Variants in ZMAT4 observed in about 807,000 individuals in gnomAD.
ZMAT4 encodes zinc finger matrin-type protein 4.
In ZMAT4, 17 loss-of-function variants were observed where a neutral mutation model predicts 28.7. The observed-to-expected ratio is 0.59, with a 90% confidence interval of 0.41 to 0.89. The LOEUF is 0.89. ZMAT4 is among the 40% of genes least tolerant of loss of function. ZMAT4 has a pLI of 0.00. For missense variants in ZMAT4, 240 were observed against 283.8 expected (o/e 0.85, Z 1.11); for synonymous variants, 117 against 109.2 (o/e 1.07, Z -0.44).
intron 2 of ZMAT4, among the ~76,000 whole-genome samples, chr8:40,777,829 C>T (rs908706892): frequency 6.6e-6 from 1 of 152,220 alleles, no homozygotes; most frequent in African/African-American, 2.4e-5. Context: ...GGAGCTCCCC[C>T]AACATACTCT....
At chr8:40,803,722 C>G (rs1022895780) in intron 2 of ZMAT4, among the ~76,000 whole-genome samples, 2 of 152,122 alleles carry the variant, frequency 1.3e-5, no homozygotes, top group African/African-American at 4.8e-5. Flanking sequence ...AAATCACACT[C>G]GTTGGTATAT....
intron 1 of ZMAT4, among the ~76,000 whole-genome samples, chr8:40,856,094 A>G (rs1817287698): frequency 6.6e-6 from 1 of 152,194 alleles, no homozygotes; most frequent in African/African-American, 2.4e-5. Context: ...CTTGGTTCAC[A>G]CAGGCCCACA....
At chr8:40,606,658 AGT>A (rs1257336381) in intron 5 of ZMAT4, among the ~76,000 whole-genome samples, 1 of 152,152 alleles carries the variant, frequency 6.6e-6, no homozygotes, top group African/African-American at 2.4e-5. Context: ...TATGTGCCTA[AGT>A]GATTATCTTT....
At chr8:40,647,813 C>T (rs1317539955) in intron 5 of ZMAT4, among the ~76,000 whole-genome samples, 1 of 152,184 alleles carries the variant, frequency 6.6e-6, no homozygotes, top group East Asian at 1.9e-4. Context: ...CAAGCAGGGG[C>T]ACACTGACAC....
chr8:40,896,678 C>T lies in ZMAT4; in HGVS notation c.-5+1005G>A, dbSNP rs147964506. Among the ~76,000 whole-genome samples, 796 of 152,264 alleles carry T rather than the reference C, an allele frequency of 5.2e-3. 11 individuals are homozygous for T. The highest frequency in any genetic ancestry group is 0.018 in the African/African-American group (762 of 41,546). On this transcript the variant is annotated intron_variant, in intron 1 of 6. Coordinates refer to ENST00000297737, the MANE Select transcript of ZMAT4 (RefSeq NM_024645.3). ...AGCAAGAGAGGCCCCTGAGGTCTCG[C>T]GATTTAGAATGCTCAAGGGTGCTTC...
rs191264769 is a variant in ZMAT4 at position 40,840,238 on chromosome 8, G to T, written c.-4-14558C>A. Among the ~76,000 whole-genome samples, 39 of 152,206 alleles carry T rather than the reference G, an allele frequency of 2.6e-4. No individual in the cohort carries two copies. In the East Asian group the frequency reaches 5.4e-3, roughly 21 times the overall value. On this transcript the variant is annotated intron_variant, in intron 1 of 6. Transcript: ENST00000297737. ...CATGCCCCCAAAATCACACTCCTCC[G>T]GGGCACCCATGGCTACTAACTGACA...
At chr8:40,865,747 C>A (rs2150649083) in intron 1 of ZMAT4, among the ~76,000 whole-genome samples, 1 of 152,330 alleles carries the variant, frequency 6.6e-6, no homozygotes, top group African/African-American at 2.4e-5. Flanking sequence ...CGAACCCGGA[C>A]TTTTAGACTC....
At chr8:40,604,737 A>G (rs1328638097) in intron 5 of ZMAT4, among the ~76,000 whole-genome samples, 1 of 152,162 alleles carries the variant, frequency 6.6e-6, no homozygotes, top group Non-Finnish European at 1.5e-5. Context: ...CTGGCCTCAT[A>G]GAACGATTTA....
chr8:40,569,682 CTT>C (rs1804030891), intron 6 of ZMAT4, among the ~76,000 whole-genome samples: 1 of 152,188 alleles, frequency 6.6e-6, no homozygotes, highest in South Asian at 2.1e-4. Context: ...GTAAAACCGA[CTT>C]TATCCCTTCT....
In ZMAT4 at chr8:40,842,759, T is replaced by C. The variant is rs561145532; in HGVS notation, c.-4-17079A>G. Among the ~76,000 whole-genome samples, 72 of 152,160 alleles carry C rather than the reference T, an allele frequency of 4.7e-4. 1 individual carries two copies. Among genetic ancestry groups the C allele is most frequent in the Middle Eastern group, 3.4e-3 (1 of 294 alleles). On this transcript the variant is annotated intron_variant, in intron 1 of 6. Transcript: ENST00000297737. ...TTGTCTGGTCTTTAGTCAACCAGAGTCCTACAGGATATTATAAAATACATT... is the reference window on the plus strand; with the variant it reads ...TTGTCTGGTCTTTAGTCAACCAGAGCCCTACAGGATATTATAAAATACATT...
intron 4 of ZMAT4, among the ~76,000 whole-genome samples, chr8:40,682,563 T>A (rs535733495): frequency 6.6e-6 from 1 of 152,326 alleles, no homozygotes; most frequent in Admixed American, 6.5e-5. Context: ...CACATGCTAT[T>A]TATTTTATAC....
chr8:40,601,472 A>AG (rs1563360004), intron 5 of ZMAT4, among the ~76,000 whole-genome samples: 13 of 83,964 alleles, frequency 1.5e-4, no homozygotes, highest in African/African-American at 4.4e-4. Flanking sequence ...AAGAAAGGAA[A>AG]GAAAGAAAGA....
At position 40,677,627 on chromosome 8, in the gene ZMAT4, T is replaced by G. The variant is rs78149607; in HGVS notation, c.350-2696A>C. Reference sequence around the variant, plus strand: ...TTTGATTCAATACCAAATATAGAAATTATGTGGGAGGAGAGCAGTTTCCAG... The same window carrying G: ...TTTGATTCAATACCAAATATAGAAAGTATGTGGGAGGAGAGCAGTTTCCAG... On this transcript the variant is annotated intron_variant, in intron 4 of 6. Transcript: ENST00000297737. Among the ~76,000 whole-genome samples, 1,117 of 152,222 alleles carry G rather than the reference T, an allele frequency of 7.3e-3. 15 individuals carry two copies. The highest frequency in any genetic ancestry group is 0.026 in the African/African-American group (1,067 of 41,548).
At chr8:40,831,256 T>C (rs1280136484) in intron 1 of ZMAT4, among the ~76,000 whole-genome samples, 1 of 152,204 alleles carries the variant, frequency 6.6e-6, no homozygotes, top group Non-Finnish European at 1.5e-5. Flanking sequence ...GACCCCGTAC[T>C]GCATAAACAT....
intron 1 of ZMAT4, among the ~76,000 whole-genome samples, chr8:40,860,659 C>T (rs1817455870): frequency 6.6e-6 from 1 of 152,216 alleles, no homozygotes; most frequent in African/African-American, 2.4e-5. Flanking sequence ...AGAACACAGA[C>T]CACATACTAC....
chr8:40,845,825 AGGGAG>A (rs1816872113), intron 1 of ZMAT4, among the ~76,000 whole-genome samples: 2 of 144,234 alleles, frequency 1.4e-5, no homozygotes, highest in African/African-American at 5.1e-5. Flanking sequence ...TGGAGGGGGC[AGGGAG>A]GGTGAAAAAT....
intron 5 of ZMAT4, among the ~76,000 whole-genome samples, chr8:40,608,636 G>A (rs1805687457): frequency 2.0e-5 from 3 of 152,194 alleles, no homozygotes; most frequent in South Asian, 2.1e-4. Flanking sequence ...TACAGAGTTC[G>A]GCTGGAAGTT....
At chr8:40,558,160 C>A (rs1424876854) in intron 6 of ZMAT4, among the ~76,000 whole-genome samples, 1 of 152,026 alleles carries the variant, frequency 6.6e-6, no homozygotes, top group Admixed American at 6.6e-5. Flanking sequence ...GAGAGATTTG[C>A]CTGAGCCAAG....
chr8:40,751,715 G>A (rs1054871480), intron 3 of ZMAT4, among the ~76,000 whole-genome samples: 2 of 152,074 alleles, frequency 1.3e-5, no homozygotes, highest in Non-Finnish European at 2.9e-5. Context: ...CCAGTAAGAG[G>A]GCGGTTACAG....
Sources: allele counts gnomAD v4.1 joint callset (sites outside exome capture counted in the v4.1 genomes callset), GRCh38; gene constraint gnomAD v4.1.1; transcripts MANE v1.5; gene names NCBI Gene and HGNC (gene_info 2026-07-23, HGNC 2026-07-21).